Variants in GTF2IRD1 observed in about 807,000 individuals in gnomAD.
GTF2IRD1 encodes general transcription factor II-I repeat domain-containing protein 1.
A neutral mutation model predicts 113.2 loss-of-function variants in GTF2IRD1; 26 were observed. The observed-to-expected ratio is 0.23, with a 90% confidence interval of 0.17 to 0.32. The LOEUF is 0.32. Ranked by LOEUF, GTF2IRD1 falls within the 10% of genes least tolerant of loss-of-function variation. The pLI is 1.00. For synonymous variants in GTF2IRD1, 484 were observed against 529.1 expected (o/e 0.91, Z 1.17); for missense variants, 864 against 1,280.8 (o/e 0.67, Z 4.97).
intron 1 of GTF2IRD1, among the ~76,000 whole-genome samples, chr7:74,474,736 A>AC (rs1339676348): frequency 1.3e-5 from 2 of 152,170 alleles, no homozygotes; most frequent in Admixed American, 1.3e-4. Flanking sequence ...AGCTCCTGCC[A>AC]CTGATGGCTG....
chr7:74,505,590 G>A (rs149467794), intron 1 of GTF2IRD1, among the ~76,000 whole-genome samples: 13 of 152,324 alleles, frequency 8.5e-5, no homozygotes, highest in Admixed American at 2.0e-4. Flanking sequence ...TGGGGCAGCC[G>A]GGGGGCCAGG....
Position 74,555,348 on chromosome 7 carries a change from A to T in GTF2IRD1, c.1967-90A>T, listed in dbSNP as rs1225928405. 1.4e-6 allele frequency: 2 copies of T among 1,467,168 alleles called. No homozygotes were observed. The highest frequency in any genetic ancestry group is 1.7e-5 in the Admixed American group (1 of 59,382). The allele number at this position is 1,467,168 out of a possible 1,614,324, so 90.9% of individuals were successfully genotyped here. Reference sequence around the variant, plus strand: ...ATCCTGGCCCTGGCATTCTCCCCACACCCCCACATTGGGTTTCCCCTAACG... The same window carrying T: ...ATCCTGGCCCTGGCATTCTCCCCACTCCCCCACATTGGGTTTCCCCTAACG... On this transcript the variant is annotated intron_variant, in intron 18 of 26. Transcript: ENST00000424337. This position sits in a 1 kb window ranked among gnomAD's most constrained non-coding sequence, Gnocchi z 5.3.
intron 17 of GTF2IRD1, among the ~76,000 whole-genome samples, chr7:74,551,189 A>T (rs1158811015): frequency 6.6e-6 from 1 of 152,156 alleles, no homozygotes; most frequent in East Asian, 1.9e-4. Flanking sequence ...TAAAAGTACC[A>T]CAAATTAGCT....
At chr7:74,507,795 T>TG in intron 1 of GTF2IRD1, 2 of 361,796 alleles carry the variant, frequency 5.5e-6, no homozygotes, top group Non-Finnish European at 1.0e-5. Flanking sequence ...AGGTGGCAGT[T>TG]GGGGCCTGTC....
chr7:74,558,696 T>C (rs1399927796), intron 20 of GTF2IRD1, among the ~76,000 whole-genome samples, 165 bp from the exon 21 acceptor site: 5 of 152,040 alleles, frequency 3.3e-5, no homozygotes, highest in Admixed American at 6.6e-5. Context: ...ACAGCTCAGA[T>C]TGTAATGCCT....
Position 74,512,428 on chromosome 7 carries a change from T to C in GTF2IRD1, c.124-402T>C, listed in dbSNP as rs2267827. ...ACTTGCTCAAGTCCCACAGCAGAAGTGGCCGAGGTGGGATTGCAGCCCCAG... is the reference window on the plus strand; with the variant it reads ...ACTTGCTCAAGTCCCACAGCAGAAGCGGCCGAGGTGGGATTGCAGCCCCAG... On this transcript the variant is annotated intron_variant, in intron 2 of 26. Transcript: ENST00000424337. This position sits in a 1 kb window ranked among gnomAD's most constrained non-coding sequence, Gnocchi z 4.4. Among the ~76,000 whole-genome samples, 15,533 of 152,126 alleles carry C rather than the reference T, an allele frequency of 0.1. 1,959 individuals are homozygous for C. The highest frequency in any genetic ancestry group is 0.39 in the East Asian group (1,990 of 5,136).
In GTF2IRD1 at chr7:74,532,205, C is replaced by G. The variant is rs587728099; in HGVS notation, c.1274+2288C>G. ...ATGGTGTAAGTCCCTGATGCTGTCT[C>G]GAACCCACATCTCCCCGACCCTGTT... On this transcript the variant is annotated intron_variant, in intron 9 of 26. Transcript: ENST00000424337. Among the ~76,000 whole-genome samples, 91 of 151,696 alleles carry G rather than the reference C, an allele frequency of 6.0e-4. 1 individual carries two copies. Among genetic ancestry groups the G allele is most frequent in the African/African-American group, 2.2e-3 (89 of 41,060 alleles).
In GTF2IRD1 at chr7:74,602,383, G is replaced by C. The variant is rs1554374408; in HGVS notation, c.2785G>C (p.Val929Leu). 1.2e-6 allele frequency: 2 copies of C among 1,613,654 alleles called. No individual in the cohort carries two copies. Among genetic ancestry groups the C allele is most frequent in the South Asian group, 2.2e-5 (2 of 91,064 alleles). The change falls in exon 27 of 27, where the codon GTG becomes CTG. Residue 929 changes from valine to leucine, a missense_variant. Physicochemically the swap from Val to Leu is conservative, Grantham distance 32 (BLOSUM62 1). Transcript: ENST00000424337. ...TCTCTAGCAATGGCCAATGTACATG[G>C]TGGACTATGCCGGCCTGAACGTGCA... Reference protein sequence around the residue: ...ISLVQWPMYMVDYAGLNVQLP... With the variant: ...ISLVQWPMYMLDYAGLNVQLP...
At chr7:74,574,423 C>T (rs963830532) in intron 22 of GTF2IRD1, among the ~76,000 whole-genome samples, 25 of 148,912 alleles carry the variant, frequency 1.7e-4, no homozygotes, top group South Asian at 1.1e-3. Flanking sequence ...GGATTACAGG[C>T]GTGAGCCACT....
intron 9 of GTF2IRD1, among the ~76,000 whole-genome samples, chr7:74,531,232 G>T (rs775115253): frequency 2.3e-4 from 35 of 151,904 alleles, no homozygotes; most frequent in Non-Finnish European, 3.2e-4. Flanking sequence ...TTAGCCAGGT[G>T]TGGTGGCGCA....
At chr7:74,551,387 GACAA>G (rs1488110778) in intron 17 of GTF2IRD1, among the ~76,000 whole-genome samples, 5 of 152,130 alleles carry the variant, frequency 3.3e-5, no homozygotes, top group Admixed American at 2.0e-4. Flanking sequence ...AACACAAAGA[GACAA>G]ACAAACTAAA....
In GTF2IRD1 at chr7:74,468,676, C is replaced by CTGTGTG. The variant is rs61694825; in HGVS notation, c.-7+14542_-7+14547dup. On this transcript the variant is annotated intron_variant, in intron 1 of 26. Transcript: ENST00000424337. ...ACTCCATCTCCAAAAAAAAAAAAAA[C>CTGTGTG]TGTGTGTGTGTGTGTGTGTGTGTGT... is the stretch of plus-strand genomic sequence containing the variant. Among the ~76,000 whole-genome samples, 815 of 129,400 alleles carry CTGTGTG rather than the reference C, an allele frequency of 6.3e-3. 9 individuals carry two copies. Among genetic ancestry groups the CTGTGTG allele is most frequent in the African/African-American group, 0.015 (495 of 33,530 alleles). 84.9% of individuals were successfully genotyped at this position (129,400 alleles called of 152,430 possible).
intron 1 of GTF2IRD1, among the ~76,000 whole-genome samples, chr7:74,469,404 A>C (rs900200440): frequency 1.3e-5 from 2 of 151,648 alleles, no homozygotes; most frequent in Non-Finnish European, 2.9e-5. Flanking sequence ...CATCCTAAGA[A>C]TCTCCCCCCA....
At chr7:74,459,494 A>G (rs1793221403) in intron 1 of GTF2IRD1, among the ~76,000 whole-genome samples, 2 of 151,558 alleles carry the variant, frequency 1.3e-5, no homozygotes. Context: ...CCTGAATAAG[A>G]TAGGTGAAAT....
chr7:74,538,247 G>T, intron 12 of GTF2IRD1, 74 bp downstream of exon 12: 2 of 1,464,042 alleles, frequency 1.4e-6, no homozygotes, highest in South Asian at 1.1e-5. Flanking sequence ...GGCAGCCTTG[G>T]GGAGGAGCTC....
At chr7:74,594,964 G>C in intron 24 of GTF2IRD1, 50 bp from the exon 25 acceptor site, 1 of 1,397,174 alleles carries the variant, frequency 7.2e-7, no homozygotes, top group Non-Finnish European at 1.0e-6. Context: ...AAAAATAAAG[G>C]AGGGGAAAAC....
chr7:74,476,718 C>G (rs1417051838), intron 1 of GTF2IRD1, among the ~76,000 whole-genome samples: 1 of 152,120 alleles, frequency 6.6e-6, no homozygotes, highest in Admixed American at 6.6e-5. Flanking sequence ...AGCCACCCAG[C>G]CTTTGGGGCC....
intron 1 of GTF2IRD1, among the ~76,000 whole-genome samples, chr7:74,491,850 G>A (rs1554336794): frequency 6.6e-6 from 1 of 152,132 alleles, no homozygotes; most frequent in Non-Finnish European, 1.5e-5. Flanking sequence ...ACCCAGTAAG[G>A]GATTGCCGGG....
At chr7:74,454,738 G>C (rs1258327809) in intron 1 of GTF2IRD1, among the ~76,000 whole-genome samples, 1 of 152,156 alleles carries the variant, frequency 6.6e-6, no homozygotes, top group South Asian at 2.1e-4. Flanking sequence ...GGCCTGTGTG[G>C]TGGTGGCCGC....
Sources: gnomAD v4.1 joint callset for allele counts (sites outside exome capture counted in the v4.1 genomes callset) on GRCh38, gnomAD v4.1.1 for gene constraint, Gnocchi (gnomAD v3.1) non-coding constraint, MANE v1.5 for transcripts, NCBI Gene and HGNC (gene_info 2026-07-23, HGNC 2026-07-21) for gene names.